LCP2: variants seen among roughly 807,000 people sequenced by gnomAD.
LCP2 encodes the protein 76 kDa tyrosine phosphoprotein.
In LCP2, 29 loss-of-function variants were observed where a neutral mutation model predicts 74.5. That is an observed-to-expected ratio of 0.39 (90% CI 0.29 to 0.53). The LOEUF (loss-of-function observed/expected upper bound fraction) is 0.53, where lower values mean the gene tolerates loss of function less well. Among genes scored for constraint, LCP2 ranks in the 20% least tolerant of loss-of-function variants. LCP2 has a pLI of 0.72. For synonymous variants in LCP2, 228 were observed against 229.5 expected (o/e 0.99, Z 0.06); for missense variants, 604 against 634.6 (o/e 0.95, Z 0.52).
At position 170,258,378 on chromosome 5, in the gene LCP2, C is replaced by T. The variant is rs565867570; in HGVS notation, c.971-212G>A. The T allele has an allele frequency of 1.4e-3, 725 of 503,160 alleles. 1 individual carries two copies. Among genetic ancestry groups the T allele is most frequent in the Non-Finnish European group, 2.2e-3 (631 of 281,996 alleles). The allele number at this position is 503,160 out of a possible 1,614,324, so 31.2% of individuals were successfully genotyped here. On this transcript the variant is annotated intron_variant, in intron 15 of 20. Coordinates refer to ENST00000046794, the MANE Select transcript of LCP2 (RefSeq NM_005565.5). ...ACCATAGAATCCATTTACAAAGGGGCGCAGATCTAGATGATACTCTAAAAT... is the reference window on the plus strand; with the variant it reads ...ACCATAGAATCCATTTACAAAGGGGTGCAGATCTAGATGATACTCTAAAAT...
chr5:170,249,141 G>A (rs1278465471), intron 20 of LCP2, among the ~76,000 whole-genome samples: 4 of 152,082 alleles, frequency 2.6e-5, no homozygotes, highest in Non-Finnish European at 4.4e-5. Context: ...GACCAACATG[G>A]TGAAACCCTG....
chr5:170,288,381 C>T (rs373938919), intron 2 of LCP2, among the ~76,000 whole-genome samples: 59 of 152,326 alleles, frequency 3.9e-4, no homozygotes, highest in South Asian at 3.1e-3. Context: ...GACCTCTTCC[C>T]TACACCCCAG....
Position 170,261,102 on chromosome 5 carries a change from CT to C in LCP2, c.957+4del. The C allele has an allele frequency of 6.3e-7, 1 of 1,597,604 alleles. No individual in the cohort carries two copies. The highest frequency in any genetic ancestry group is 8.6e-7 in the Non-Finnish European group (1 of 1,165,306). On this transcript the variant is annotated splice_donor_region_variant and intron_variant, in intron 14 of 20. Transcript: ENST00000046794. ...AGCACTTACAAACTGACATTTTGTA[CT>C]TACATTCTCTCTTCTGTCTGGTCCC...
chr5:170,282,668 G>A (rs1762124292), intron 3 of LCP2, among the ~76,000 whole-genome samples: 1 of 152,196 alleles, frequency 6.6e-6, no homozygotes, highest in African/African-American at 2.4e-5. Flanking sequence ...CTTATTCAGT[G>A]CATATTGTTA....
chr5:170,289,759 T>C (rs1185937235), intron 2 of LCP2, among the ~76,000 whole-genome samples: 1 of 12,096 alleles, frequency 8.3e-5, no homozygotes, highest in Non-Finnish European at 1.6e-4. Flanking sequence ...TTTCTTTCTC[T>C]TTTTTTTTTT....
At chr5:170,276,038 A>G (rs1762002031) in intron 3 of LCP2, among the ~76,000 whole-genome samples, 178 bp from the exon 4 acceptor site, 2 of 152,170 alleles carry the variant, frequency 1.3e-5, no homozygotes, top group Admixed American at 6.5e-5. Context: ...AGAACTTGCC[A>G]TCTTATTCCC....
chr5:170,290,172 G>T (rs1460112647), intron 2 of LCP2, among the ~76,000 whole-genome samples: 1 of 152,182 alleles, frequency 6.6e-6, no homozygotes, highest in Non-Finnish European at 1.5e-5. Context: ...TTATTTGCAT[G>T]ATGATTTTGG....
chr5:170,289,435 A>C (rs1455617859), intron 2 of LCP2, among the ~76,000 whole-genome samples: 1 of 152,154 alleles, frequency 6.6e-6, no homozygotes, highest in Non-Finnish European at 1.5e-5. Flanking sequence ...AGGGCATCTT[A>C]GCAATGTGTT....
At chr5:170,297,439 A>T in intron 1 of LCP2, 95 bp downstream of exon 1, 1 of 1,096,384 alleles carries the variant, frequency 9.1e-7, no homozygotes, top group Non-Finnish European at 1.3e-6. Flanking sequence ...TATCTTATAC[A>T]CCTCCCACAT....
rs561413644 is a variant in LCP2 at position 170,261,309 on chromosome 5, C to G, written c.927-172G>C. On this transcript the variant is annotated intron_variant, in intron 13 of 20. Coordinates refer to ENST00000046794, the MANE Select transcript of LCP2 (RefSeq NM_005565.5). ...AGGGGAGAGGGGGTGGAAGGGAGAT[C>G]TGGTTACTCCATGTTCTGCCATCAT... is the stretch of plus-strand genomic sequence containing the variant. Among the ~76,000 whole-genome samples the G allele has an allele frequency of 1.1e-4, 17 of 152,142 alleles. No homozygotes were observed. The South Asian group carries it at 2.1e-3, about 19-fold the overall frequency.
At chr5:170,282,336 GA>G in intron 3 of LCP2, among the ~76,000 whole-genome samples, 1 of 152,192 alleles carries the variant, frequency 6.6e-6, no homozygotes, top group Non-Finnish European at 1.5e-5. Flanking sequence ...GAGATGGAAT[GA>G]ATAAAGTATT....
intron 3 of LCP2, among the ~76,000 whole-genome samples, chr5:170,283,746 C>T (rs1382307397): frequency 6.6e-6 from 1 of 152,164 alleles, no homozygotes; most frequent in East Asian, 1.9e-4. Flanking sequence ...AGGTATATGC[C>T]CCAGCTGCTC....
intron 3 of LCP2, among the ~76,000 whole-genome samples, chr5:170,278,988 G>A (rs1484626314): frequency 6.6e-6 from 1 of 152,170 alleles, no homozygotes; most frequent in Non-Finnish European, 1.5e-5. Flanking sequence ...CAGGGAGGTG[G>A]TTGCTATGGC....
intron 5 of LCP2, among the ~76,000 whole-genome samples, chr5:170,274,991 A>C (rs1761982929): frequency 1.3e-5 from 2 of 151,942 alleles, no homozygotes; most frequent in Non-Finnish European, 2.9e-5. Flanking sequence ...AAAAAAAAAA[A>C]AAAACTCAGA....
intron 5 of LCP2, 42 bp downstream of exon 5, chr5:170,275,278 T>A (rs767987971): frequency 1.9e-5 from 31 of 1,610,594 alleles, no homozygotes; most frequent in Non-Finnish European, 2.6e-5. Context: ...GAAATACCTA[T>A]CACCTCCTAA....
At chr5:170,258,342 A>T in intron 15 of LCP2, 176 bp from the exon 16 acceptor site, 1 of 597,610 alleles carries the variant, frequency 1.7e-6, no homozygotes, top group Non-Finnish European at 2.9e-6. Flanking sequence ...GTGTTTCTAG[A>T]TGACTTAACC....
intron 3 of LCP2, among the ~76,000 whole-genome samples, chr5:170,286,925 A>G (rs1442408990): frequency 6.6e-6 from 1 of 152,230 alleles, no homozygotes; most frequent in African/African-American, 2.4e-5. Context: ...TAACACACAG[A>G]CTATATGTAG....
chr5:170,276,547 CTT>C lies in LCP2; in HGVS notation c.189-689_189-688del, dbSNP rs199741532. 7.6e-3 allele frequency among the ~76,000 whole-genome samples: 1,163 copies of C among 152,276 alleles called. 24 individuals are homozygous for C. Among genetic ancestry groups the C allele is most frequent in the African/African-American group, 0.026 (1,083 of 41,548 alleles). On this transcript the variant is annotated intron_variant, in intron 3 of 20. Coordinates refer to ENST00000046794, the MANE Select transcript of LCP2 (RefSeq NM_005565.5). ...TTTGACCAAGACACTTGAAGATACT[CTT>C]AGTCCCTGGGTTCCTTCATGTCAGA...
chr5:170,256,436 A>G lies in LCP2; in HGVS notation c.1150+90T>C. ...ATCAGATGCTTTTAGGAAACAATAA[A>G]ACCTTTGTCGAAAGCTTTTGGGACA... On this transcript the variant is annotated intron_variant, in intron 17 of 20. Coordinates refer to ENST00000046794, the MANE Select transcript of LCP2 (RefSeq NM_005565.5). The surrounding 1 kb of genome is among the most constrained non-coding windows in gnomAD (Gnocchi z 4.5). 2 of 1,035,910 alleles carry G rather than the reference A, an allele frequency of 1.9e-6. No homozygotes were observed. Among genetic ancestry groups the G allele is most frequent in the Non-Finnish European group, 3.0e-6 (2 of 658,802 alleles). The allele number at this position is 1,035,910 out of a possible 1,614,324, so 64.2% of individuals were successfully genotyped here.
Sources: allele counts gnomAD v4.1 joint callset (sites outside exome capture counted in the v4.1 genomes callset), GRCh38; gene constraint gnomAD v4.1.1; non-coding constraint Gnocchi (gnomAD v3.1); transcripts MANE v1.5; gene names NCBI Gene and HGNC (gene_info 2026-07-23, HGNC 2026-07-21).